Variants in CADM2 observed in about 807,000 individuals in gnomAD.
The protein encoded by CADM2 is cell adhesion molecule 2.
Under a neutral mutation model 49.8 loss-of-function variants are expected in CADM2, and 12 were observed. That is an observed-to-expected ratio of 0.24 (90% CI 0.15 to 0.39). The LOEUF (loss-of-function observed/expected upper bound fraction) is 0.39, where lower values mean the gene tolerates loss of function less well. Among genes scored for constraint, CADM2 ranks in the 10% least tolerant of loss-of-function variants. The probability of loss-of-function intolerance (pLI) is 1.00; values close to 1 mark genes in which losing one functional copy is unlikely to be tolerated. For missense variants in CADM2, 378 were observed against 492.3 expected (o/e 0.77, Z 2.20); for synonymous variants, 214 against 175.4 (o/e 1.22, Z -1.74).
At chr3:86,051,921 C>T (rs1359273842) in intron 8 of CADM2, among the ~76,000 whole-genome samples, 2 of 152,054 alleles carry the variant, frequency 1.3e-5, no homozygotes, top group Admixed American at 6.6e-5. Context: ...TACAATTTGA[C>T]ATGATATTTG....
At chr3:85,848,920 C>A (rs1278796487) in intron 3 of CADM2, among the ~76,000 whole-genome samples, 2 of 152,028 alleles carry the variant, frequency 1.3e-5, no homozygotes, top group African/African-American at 4.8e-5. Flanking sequence ...GAGGCTACGA[C>A]AAATTTAAAT....
In CADM2 at chr3:86,067,786, CA is replaced by C. The variant is rs1269793935; in HGVS notation, c.*1005del. On this transcript the variant is annotated 3_prime_UTR_variant, in exon 10 of 10. Coordinates refer to ENST00000383699, the MANE Select transcript of CADM2 (RefSeq NM_001167675.2). ...ATATCCCTTTAGGTATTACTTAAAC[CA>C]ATATTATAAGTAGATAACATGTATT... is the stretch of plus-strand genomic sequence containing the variant. 6.6e-6 allele frequency: 1 copy of C among 152,316 alleles called. No individual in the cohort carries two copies. The highest frequency in any genetic ancestry group is 1.5e-5 in the Non-Finnish European group (1 of 67,884). The allele number at this position is 152,316 out of a possible 1,614,324, so 9.4% of individuals were successfully genotyped here.
chr3:86,063,672 G>A (rs1738960943), intron 8 of CADM2, among the ~76,000 whole-genome samples: 1 of 152,112 alleles, frequency 6.6e-6, no homozygotes, highest in African/African-American at 2.4e-5. Context: ...TTTCTATCTA[G>A]ACATATGATC....
At chr3:85,212,860 T>TCTCTCTCTCTCTCTC (rs1559723747) in intron 1 of CADM2, among the ~76,000 whole-genome samples, 1 of 114,856 alleles carries the variant, frequency 8.7e-6, no homozygotes, top group Non-Finnish European at 1.9e-5. Context: ...CTTTCTTTCT[T>TCTCTCTCTCTCTCTC]TCTTTCTTTC....
intron 1 of CADM2, among the ~76,000 whole-genome samples, chr3:85,596,850 G>C (rs9825424): frequency 2.0e-5 from 3 of 151,928 alleles, no homozygotes; most frequent in African/African-American, 7.2e-5. Flanking sequence ...CCTACTAGCC[G>C]GAACTACAGG....
intron 1 of CADM2, among the ~76,000 whole-genome samples, chr3:85,617,155 C>T (rs184954588): frequency 1.2e-4 from 18 of 152,210 alleles, no homozygotes; most frequent in Non-Finnish European, 1.6e-4. Flanking sequence ...ATGTCAGATT[C>T]CATAGGTTGA....
intron 1 of CADM2, among the ~76,000 whole-genome samples, chr3:85,628,231 T>A (rs986745239): frequency 6.6e-6 from 1 of 152,054 alleles, no homozygotes; most frequent in African/African-American, 2.4e-5. Context: ...AAGGTGCCTC[T>A]GCTTTAGGAG....
At position 85,231,197 on chromosome 3, in the gene CADM2, ATT is replaced by A. The variant is rs1287526045; in HGVS notation, c.61+271530_61+271531del. On this transcript the variant is annotated intron_variant, in intron 1 of 9. Coordinates refer to ENST00000383699, the MANE Select transcript of CADM2 (RefSeq NM_001167675.2). ...AAAGGCTCTATCTACAAATAGTCAT[ATT>A]CTGAGTGTTATTCAACCCATAACAC... 9.3e-4 allele frequency among the ~76,000 whole-genome samples: 141 copies of A among 152,154 alleles called. 2 individuals carry two copies. Among genetic ancestry groups the A allele is most frequent in the Admixed American group, 2.6e-3 (39 of 15,264 alleles).
In CADM2 at chr3:86,050,210, C is replaced by T. The variant is rs371553906; in HGVS notation, c.971-15395C>T. ...CTACAGGCCCCAGGCAATTTGGAAACCAAGCAGGGCAGTCATTAAATCTTA... is the reference window on the plus strand; with the variant it reads ...CTACAGGCCCCAGGCAATTTGGAAATCAAGCAGGGCAGTCATTAAATCTTA... On this transcript the variant is annotated intron_variant, in intron 8 of 9. Coordinates refer to ENST00000383699, the MANE Select transcript of CADM2 (RefSeq NM_001167675.2). 1.1e-4 allele frequency among the ~76,000 whole-genome samples: 17 copies of T among 152,294 alleles called. No homozygotes were observed. In the East Asian group the frequency reaches 3.1e-3, roughly 28 times the overall value.
intron 1 of CADM2, among the ~76,000 whole-genome samples, chr3:85,223,183 T>C (rs1221148566): frequency 6.6e-6 from 1 of 152,122 alleles, no homozygotes; most frequent in African/African-American, 2.4e-5. Context: ...AAGTAGAAAT[T>C]GGCCACAAAA....
intron 8 of CADM2, among the ~76,000 whole-genome samples, chr3:86,007,115 C>T (rs766389386): frequency 2.0e-5 from 3 of 147,940 alleles, no homozygotes; most frequent in Admixed American, 6.7e-5. Flanking sequence ...CCCCCACCCC[C>T]TCACCATTAT....
chr3:85,754,830 C>A (rs1297401975), intron 2 of CADM2, among the ~76,000 whole-genome samples: 9 of 151,942 alleles, frequency 5.9e-5, no homozygotes, highest in Middle Eastern at 3.4e-3. Context: ...AACAAACAAA[C>A]AAAAAAATAC....
At chr3:86,002,555 T>C (rs962997307) in intron 8 of CADM2, among the ~76,000 whole-genome samples, 1 of 152,178 alleles carries the variant, frequency 6.6e-6, no homozygotes, top group East Asian at 1.9e-4. Flanking sequence ...GTGTAATTTT[T>C]AGTTTCTCTT....
intron 3 of CADM2, among the ~76,000 whole-genome samples, chr3:85,808,486 G>A (rs1055367702): frequency 1.3e-5 from 2 of 152,084 alleles, no homozygotes; most frequent in African/African-American, 4.8e-5. Context: ...TTTCTCTGCA[G>A]GTGCAGAAGG....
At chr3:85,182,772 A>G (rs1428853273) in intron 1 of CADM2, among the ~76,000 whole-genome samples, 2 of 152,096 alleles carry the variant, frequency 1.3e-5, no homozygotes, top group Non-Finnish European at 2.9e-5. Context: ...TAAAATTATC[A>G]GTTGTCTTAT....
chr3:85,022,403 T>C (rs573314577), intron 1 of CADM2, among the ~76,000 whole-genome samples: 95 of 152,284 alleles, frequency 6.2e-4, no homozygotes, highest in African/African-American at 2.0e-3. Context: ...CCTCTCTAGG[T>C]CGTTCTTATA....
chr3:85,965,294 TTAAA>T (rs1190759248), intron 8 of CADM2, among the ~76,000 whole-genome samples: 5 of 146,042 alleles, frequency 3.4e-5, no homozygotes, highest in African/African-American at 1.2e-4. Context: ...TAATAAATAT[TTAAA>T]TATAAATATT....
chr3:85,622,498 G>A (rs1159251067), intron 1 of CADM2, among the ~76,000 whole-genome samples: 1 of 152,084 alleles, frequency 6.6e-6, no homozygotes, highest in Non-Finnish European at 1.5e-5. Flanking sequence ...CTTGTATCAT[G>A]TGTCTGTTTC....
At chr3:84,973,756 A>G (rs1442233631) in intron 1 of CADM2, among the ~76,000 whole-genome samples, 5 of 152,170 alleles carry the variant, frequency 3.3e-5, no homozygotes, top group Non-Finnish European at 5.9e-5. Flanking sequence ...AAAGTGTCCT[A>G]TCTAGAAACA....
Sources: gnomAD v4.1 joint callset for allele counts (sites outside exome capture counted in the v4.1 genomes callset) on GRCh38, gnomAD v4.1.1 for gene constraint, MANE v1.5 for transcripts, NCBI Gene and HGNC (gene_info 2026-07-23, HGNC 2026-07-21) for gene names.